ATXN10: variants seen among roughly 807,000 people sequenced by gnomAD.
ATXN10 encodes ataxin-10.
ATXN10 carries 28 observed loss-of-function variants against 52.9 expected under a neutral mutation model. The observed-to-expected ratio is 0.53, with a 90% confidence interval of 0.39 to 0.73. ATXN10 has a LOEUF of 0.73. Among genes scored for constraint, ATXN10 ranks in the 30% least tolerant of loss-of-function variants. The pLI is 0.00. For synonymous variants in ATXN10, 226 were observed against 221.5 expected (o/e 1.02, Z -0.18); for missense variants, 565 against 577.0 (o/e 0.98, Z 0.21).
At chr22:45,716,855 A>G (rs1420503600) in intron 5 of ATXN10, among the ~76,000 whole-genome samples, 1 of 152,242 alleles carries the variant, frequency 6.6e-6, no homozygotes, top group East Asian at 1.9e-4. Flanking sequence ...GAAAAAAGAA[A>G]GAGAGCACTA....
chr22:45,814,936 C>G (rs769141047), intron 10 of ATXN10, among the ~76,000 whole-genome samples: 3 of 152,214 alleles, frequency 2.0e-5, no homozygotes, highest in Non-Finnish European at 4.4e-5. Context: ...ACAGTTTCAT[C>G]TGAAACCACA....
intron 10 of ATXN10, among the ~76,000 whole-genome samples, chr22:45,813,794 G>A (rs1266144236): frequency 2.6e-5 from 4 of 152,158 alleles, no homozygotes; most frequent in Non-Finnish European, 5.9e-5. Flanking sequence ...AAGTGTTTTT[G>A]TACAAATATC....
chr22:45,752,948 G>A (rs1926036276), intron 9 of ATXN10, among the ~76,000 whole-genome samples: 1 of 151,980 alleles, frequency 6.6e-6, no homozygotes, highest in Non-Finnish European at 1.5e-5. Flanking sequence ...TGGTCAGGGT[G>A]GTCTTGAACT....
At chr22:45,703,122 T>C (rs1923904673) in intron 5 of ATXN10, among the ~76,000 whole-genome samples, 1 of 152,126 alleles carries the variant, frequency 6.6e-6, no homozygotes, top group Non-Finnish European at 1.5e-5. Context: ...GAAAAAACAG[T>C]GTGAAATGCC....
rs113161503 is a variant in ATXN10, at chr22:45,841,860, G to A, written c.1238-1131G>A. On this transcript the variant is annotated intron_variant, in intron 10 of 11. Transcript: ENST00000252934. This position sits in a 1 kb window ranked among gnomAD's most constrained non-coding sequence, Gnocchi z 5.1. ...CTGGTCCACAGCGTTGCACAGGGGT[G>A]TTCAGGACAAGATCAGAAGACTTGG... 6.6e-6 allele frequency among the ~76,000 whole-genome samples: 1 copy of A among 152,210 alleles called. No individual in the cohort carries two copies. Among genetic ancestry groups the A allele is most frequent in the African/African-American group, 2.4e-5 (1 of 41,462 alleles).
Position 45,718,004 on chromosome 22 carries a change from T to C in ATXN10, c.648-409T>C, listed in dbSNP as rs1924510370. Among the ~76,000 whole-genome samples, 1 of 152,184 alleles carries C rather than the reference T, an allele frequency of 6.6e-6. No individual in the cohort carries two copies. The highest frequency in any genetic ancestry group is 1.5e-5 in the Non-Finnish European group (1 of 68,028). On this transcript the variant is annotated intron_variant, in intron 5 of 11. Transcript: ENST00000252934. The surrounding 1 kb of genome is among the most constrained non-coding windows in gnomAD (Gnocchi z 4.4). ...AAAGAGTGAATAATCAAGCCAGTAA[T>C]GGAAGTGTGACAAGTCTTTCTCTGG...
At chr22:45,707,103 A>G (rs1191053993) in intron 5 of ATXN10, among the ~76,000 whole-genome samples, 1 of 152,142 alleles carries the variant, frequency 6.6e-6, no homozygotes, top group Non-Finnish European at 1.5e-5. Context: ...TCATTATAAA[A>G]TTTATCACAA....
chr22:45,722,630 C>T (rs537429870), intron 6 of ATXN10, among the ~76,000 whole-genome samples: 1 of 152,238 alleles, frequency 6.6e-6, no homozygotes, highest in Admixed American at 6.5e-5. Flanking sequence ...GGAGGCTGGC[C>T]TGTGTGTCAT....
At chr22:45,810,286 A>G (rs946391264) in intron 10 of ATXN10, among the ~76,000 whole-genome samples, 61 of 152,342 alleles carry the variant, frequency 4.0e-4, no homozygotes, top group African/African-American at 1.4e-3. Flanking sequence ...TCCCTGCATC[A>G]GTATGATGGT....
Position 45,688,620 on chromosome 22 carries a change from C to T in ATXN10, c.117-1092C>T, listed in dbSNP as rs560015128. On this transcript the variant is annotated intron_variant, in intron 1 of 11. Transcript: ENST00000252934. The surrounding 1 kb of genome is among the most constrained non-coding windows in gnomAD (Gnocchi z 4.0). Reference sequence around the variant, plus strand: ...CCGGAAAAGGGGCTTCCATAGGTGTCTTCTGCGGCAACTGAGCAGCTCTGT... The same window carrying T: ...CCGGAAAAGGGGCTTCCATAGGTGTTTTCTGCGGCAACTGAGCAGCTCTGT... Among the ~76,000 whole-genome samples, 123 of 152,304 alleles carry T rather than the reference C, an allele frequency of 8.1e-4. No individual in the cohort carries two copies. The highest frequency in any genetic ancestry group is 1.5e-3 in the South Asian group (7 of 4,822).
rs993652516 is a variant in ATXN10 at position 45,733,666 on chromosome 22, G to A, written c.894+4076G>A. Among the ~76,000 whole-genome samples the A allele has an allele frequency of 4.0e-5, 6 of 151,804 alleles. No homozygotes were observed. The highest frequency in any genetic ancestry group is 7.3e-5 in the African/African-American group (3 of 41,302). On this transcript the variant is annotated intron_variant, in intron 7 of 11. Coordinates refer to ENST00000252934, the MANE Select transcript of ATXN10 (RefSeq NM_013236.4). This position sits in a 1 kb window ranked among gnomAD's most constrained non-coding sequence, Gnocchi z 4.4. ...CAGCTACTCGGGAGGCGGAGGCAGA[G>A]AATCACGTGAACCCGGGAGGCGGAG...
intron 1 of ATXN10, chr22:45,679,639 T>C (rs1384854724): frequency 6.6e-6 from 1 of 152,248 alleles, no homozygotes; most frequent in African/African-American, 2.4e-5. Context: ...GTCGTCAGCT[T>C]GGCTGAGGAC....
chr22:45,794,058 C>G (rs1927618924), intron 9 of ATXN10, among the ~76,000 whole-genome samples: 2 of 152,186 alleles, frequency 1.3e-5, no homozygotes, highest in African/African-American at 4.8e-5. Context: ...GGTGGCAACT[C>G]TTAAGTCATC....
At position 45,823,171 on chromosome 22, in the gene ATXN10, C is replaced by T. The variant is rs549522873; in HGVS notation, c.1237+16149C>T. ...TACAGAACATGCCCATCTCCCTAGG[C>T]GGCTTCTTGAGTGTCCCGTCTCCCT... On this transcript the variant is annotated intron_variant, in intron 10 of 11. Coordinates refer to ENST00000252934, the MANE Select transcript of ATXN10 (RefSeq NM_013236.4). The surrounding 1 kb of genome is among the most constrained non-coding windows in gnomAD (Gnocchi z 4.9). 29 of 471,660 alleles carry T rather than the reference C, an allele frequency of 6.1e-5. No individual in the cohort carries two copies. The East Asian group carries it at 7.6e-4, about 12-fold the overall frequency. 29.2% of individuals were successfully genotyped at this position (471,660 alleles called of 1,614,324 possible). A position where few individuals can be genotyped will look rare whatever the true frequency, so the allele number is the denominator to read the frequency against.
Position 45,762,339 on chromosome 22 carries a change from G to A in ATXN10, c.1173+21801G>A, listed in dbSNP as rs541486653. Among the ~76,000 whole-genome samples, 4 of 152,224 alleles carry A rather than the reference G, an allele frequency of 2.6e-5. No individual in the cohort carries two copies. Among genetic ancestry groups the A allele is most frequent in the Non-Finnish European group, 5.9e-5 (4 of 68,014 alleles). The stretch of plus-strand genomic sequence containing the variant: ...GGCCTGACCCAGGGTAGGCACTCCC[G>A]CTTCATGACTACATCTCATTTTTTA... On this transcript the variant is annotated intron_variant, in intron 9 of 11. Coordinates refer to ENST00000252934, the MANE Select transcript of ATXN10 (RefSeq NM_013236.4). The surrounding 1 kb of genome is among the most constrained non-coding windows in gnomAD (Gnocchi z 4.3).
rs1928575752 is a variant in ATXN10, at chr22:45,819,361, A to T, written c.1237+12339A>T. 6.6e-6 allele frequency among the ~76,000 whole-genome samples: 1 copy of T among 152,160 alleles called. No individual in the cohort carries two copies. Among genetic ancestry groups the T allele is most frequent in the African/African-American group, 2.4e-5 (1 of 41,426 alleles). On this transcript the variant is annotated intron_variant, in intron 10 of 11. Coordinates refer to ENST00000252934, the MANE Select transcript of ATXN10 (RefSeq NM_013236.4). This position sits in a 1 kb window ranked among gnomAD's most constrained non-coding sequence, Gnocchi z 4.5. ...TATCAGCTCAAAATCCACATGCCTG[A>T]TGGTTTCCTTCAAATGCTGCCTCTG...
Position 45,757,077 on chromosome 22 carries a change from G to A in ATXN10, c.1173+16539G>A, listed in dbSNP as rs564663363. Among the ~76,000 whole-genome samples, 20 of 152,236 alleles carry A rather than the reference G, an allele frequency of 1.3e-4. No individual in the cohort carries two copies. Among genetic ancestry groups the A allele is most frequent in the African/African-American group, 3.9e-4 (16 of 41,544 alleles). On this transcript the variant is annotated intron_variant, in intron 9 of 11. Coordinates refer to ENST00000252934, the MANE Select transcript of ATXN10 (RefSeq NM_013236.4). This position sits in a 1 kb window ranked among gnomAD's most constrained non-coding sequence, Gnocchi z 4.6. ...GTGGCTGTGCCCTCCTCCTATTTGC[G>A]GAGGAATGGCTTTGGTCTGCACCTG...
chr22:45,839,243 C>A (rs1313954806), intron 10 of ATXN10, among the ~76,000 whole-genome samples: 3 of 152,104 alleles, frequency 2.0e-5, no homozygotes, highest in Admixed American at 2.0e-4. Flanking sequence ...CCTTGACTTA[C>A]ATCTTTTTGC....
chr22:45,809,351 A>G (rs11704989), intron 10 of ATXN10, among the ~76,000 whole-genome samples: 13,452 of 151,716 alleles, frequency 0.089, 766 homozygotes, highest in Middle Eastern at 0.15. Flanking sequence ...TTTTTAATTC[A>G]TGAAAATAAT....
Sources: allele counts gnomAD v4.1 joint callset (sites outside exome capture counted in the v4.1 genomes callset), GRCh38; gene constraint gnomAD v4.1.1; non-coding constraint Gnocchi (gnomAD v3.1); transcripts MANE v1.5; gene names NCBI Gene and HGNC (gene_info 2026-07-23, HGNC 2026-07-21).